The following SPHKAP variants were observed in gnomAD, a reference collection of about 807,000 sequenced individuals.
SPHKAP encodes the protein SPHK1 interactor, AKAP domain containing, also known as A-kinase anchor protein SPHKAP.
A neutral mutation model predicts 137.5 loss-of-function variants in SPHKAP; 67 were observed. The observed-to-expected ratio is 0.49, with a 90% confidence interval of 0.40 to 0.60. The LOEUF is 0.60. Among genes scored for constraint, SPHKAP ranks in the 20% least tolerant of loss-of-function variants. The pLI is 0.00. For synonymous variants in SPHKAP, 813 were observed against 785.3 expected, an observed-to-expected ratio of 1.04 and a Z score of -0.59; for missense variants, 2,097 against 2,069.3, an observed-to-expected ratio of 1.01 and a Z score of -0.26.
Position 228,016,723 on chromosome 2 carries a change from G to A in SPHKAP, c.4131C>T (p.Thr1377=), listed in dbSNP as rs768713763. 5.9e-5 allele frequency: 95 copies of A among 1,613,908 alleles called. No homozygotes were observed. The highest frequency in any genetic ancestry group is 2.4e-4 in the South Asian group (22 of 91,070). The change falls in exon 7 of 12, where the codon ACC becomes ACT. Residue 1377 remains threonine (T), a synonymous_variant. Coordinates refer to ENST00000392056, the MANE Select transcript of SPHKAP (RefSeq NM_001142644.2). The part of the protein sequence containing the change: ...SLDCPRKDSV[T]ECKQPPVSSL... ...ATGACACTGGGGGCTGTTTACATTC[G>A]GTAACAGAGTCTTTCCTCGGGCAAT...
intron 1 of SPHKAP, among the ~76,000 whole-genome samples, chr2:228,143,664 CTT>C (rs35440451): frequency 2.1e-5 from 2 of 97,424 alleles, no homozygotes; most frequent in African/African-American, 3.8e-5. Context: ...AAACACCTGG[CTT>C]TTTTTTTTTT....
At chr2:228,172,792 T>A (rs1265933958) in intron 1 of SPHKAP, among the ~76,000 whole-genome samples, 1 of 152,160 alleles carries the variant, frequency 6.6e-6, no homozygotes, top group Admixed American at 6.5e-5. Flanking sequence ...AGCCACAACC[T>A]GAAATCTGTT....
intron 1 of SPHKAP, among the ~76,000 whole-genome samples, chr2:228,134,128 A>AAG (rs1296980346): frequency 5.6e-5 from 4 of 71,712 alleles, no homozygotes; most frequent in Non-Finnish European, 9.1e-5. Flanking sequence ...GAGAGAGAGA[A>AAG]AGAAAGAGAA....
chr2:228,115,908 A>G (rs1280304015), intron 2 of SPHKAP, among the ~76,000 whole-genome samples: 2 of 152,166 alleles, frequency 1.3e-5, no homozygotes, highest in Non-Finnish European at 2.9e-5. Context: ...TGATTAGGTT[A>G]AAAGGGCTCT....
intron 2 of SPHKAP, among the ~76,000 whole-genome samples, chr2:228,129,067 A>G (rs1005415217): frequency 7.9e-5 from 12 of 152,210 alleles, no homozygotes; most frequent in Non-Finnish European, 1.6e-4. Flanking sequence ...GTCAGAGCAC[A>G]TACATTTATT....
intron 3 of SPHKAP, among the ~76,000 whole-genome samples, chr2:228,031,672 CT>C (rs1695327796): frequency 6.6e-6 from 1 of 152,166 alleles, no homozygotes; most frequent in African/African-American, 2.4e-5. Context: ...GACAAAACTT[CT>C]AGAAGAACGA....
chr2:228,070,361 G>T, intron 3 of SPHKAP, among the ~76,000 whole-genome samples: 1 of 152,186 alleles, frequency 6.6e-6, no homozygotes. Flanking sequence ...AGTAGAGGAG[G>T]CGGAAGGGGA....
At chr2:228,089,272 C>G (rs559287241) in intron 3 of SPHKAP, among the ~76,000 whole-genome samples, 1 of 152,318 alleles carries the variant, frequency 6.6e-6, no homozygotes, top group East Asian at 1.9e-4. Flanking sequence ...TGTCCATGCT[C>G]TAGGGACTTG....
chr2:228,100,145 C>T (rs1047321942), intron 3 of SPHKAP, among the ~76,000 whole-genome samples: 6 of 152,082 alleles, frequency 3.9e-5, no homozygotes, highest in East Asian at 1.9e-4. Flanking sequence ...CCACTGCGCC[C>T]GGCCCTGGAA....
At chr2:228,014,792 T>C (rs1223749573) in intron 7 of SPHKAP, among the ~76,000 whole-genome samples, 1 of 152,208 alleles carries the variant, frequency 6.6e-6, no homozygotes, top group East Asian at 1.9e-4. Flanking sequence ...GTGTTCAACT[T>C]GTTGGCTGCC....
intron 5 of SPHKAP, among the ~76,000 whole-genome samples, chr2:228,022,757 G>A (rs1694888999): frequency 6.6e-6 from 1 of 152,154 alleles, no homozygotes; most frequent in South Asian, 2.1e-4. Context: ...AAGCTGAAGG[G>A]AATGTCAACG....
intron 2 of SPHKAP, among the ~76,000 whole-genome samples, chr2:228,113,622 T>A (rs796291070): frequency 1.4e-5 from 2 of 139,910 alleles, no homozygotes; most frequent in African/African-American, 5.9e-5. Context: ...TCTCTCTCTC[T>A]CTCTCTCTCT....
intron 1 of SPHKAP, among the ~76,000 whole-genome samples, chr2:228,161,451 A>G (rs1700270726): frequency 6.6e-6 from 1 of 152,238 alleles, no homozygotes; most frequent in Admixed American, 6.5e-5. Context: ...ATTTGCTCAG[A>G]GAACAGAAAA....
At chr2:228,020,597 T>C (rs1044853583) in intron 6 of SPHKAP, among the ~76,000 whole-genome samples, 26 of 152,142 alleles carry the variant, frequency 1.7e-4, no homozygotes, top group African/African-American at 6.3e-4. Flanking sequence ...GGGCTAGCAT[T>C]AGGAGATATA....
chr2:228,005,697 C>T (rs1237322693), intron 7 of SPHKAP, among the ~76,000 whole-genome samples: 1 of 152,138 alleles, frequency 6.6e-6, no homozygotes, highest in African/African-American at 2.4e-5. Context: ...CCAGTTGTTC[C>T]TTTCCATGTT....
At chr2:228,114,422 A>G (rs146598643) in intron 2 of SPHKAP, among the ~76,000 whole-genome samples, 67 of 152,294 alleles carry the variant, frequency 4.4e-4, no homozygotes, top group African/African-American at 1.5e-3. Context: ...TGGAGAAGAC[A>G]GTGACTGGTG....
chr2:228,117,259 T>A (rs1328909888), intron 2 of SPHKAP, among the ~76,000 whole-genome samples: 1 of 152,142 alleles, frequency 6.6e-6, no homozygotes, highest in Non-Finnish European at 1.5e-5. Context: ...TACTTGATGA[T>A]AACTTTGGAC....
intron 7 of SPHKAP, among the ~76,000 whole-genome samples, chr2:227,996,471 T>G (rs1314239784): frequency 1.3e-5 from 2 of 152,156 alleles, no homozygotes; most frequent in South Asian, 2.1e-4. Context: ...TTCCTTTAAG[T>G]GTAGCTATAG....
At chr2:228,073,228 G>T (rs2106304153) in intron 3 of SPHKAP, among the ~76,000 whole-genome samples, 1 of 152,328 alleles carries the variant, frequency 6.6e-6, no homozygotes, top group East Asian at 1.9e-4. Context: ...TAAGGAGGGT[G>T]CTGGTCTGGC....
Sources: allele counts gnomAD v4.1 joint callset (sites outside exome capture counted in the v4.1 genomes callset), GRCh38; gene constraint gnomAD v4.1.1; transcripts MANE v1.5; gene names NCBI Gene and HGNC (gene_info 2026-07-23, HGNC 2026-07-21).